Variants in CDK6 observed in about 807,000 individuals in gnomAD.
CDK6 encodes cyclin dependent kinase 6.
A neutral mutation model predicts 37.1 loss-of-function variants in CDK6; 6 were observed. That is an observed-to-expected ratio of 0.16 (90% CI 0.09 to 0.32). The LOEUF is 0.32. Among genes scored for constraint, CDK6 ranks in the 10% least tolerant of loss-of-function variants. The probability of loss-of-function intolerance (pLI) is 1.00; values close to 1 mark genes in which losing one functional copy is unlikely to be tolerated. For missense variants in CDK6, 224 were observed against 418.9 expected, an observed-to-expected ratio of 0.53 and a Z score of 4.06; for synonymous variants, 160 against 161.3, an observed-to-expected ratio of 0.99 and a Z score of 0.06.
intron 5 of CDK6, among the ~76,000 whole-genome samples, chr7:92,639,711 G>A (rs190393818): frequency 1.4e-4 from 21 of 152,204 alleles, no homozygotes; most frequent in East Asian, 9.7e-4. Context: ...ATTTGCCAAC[G>A]GTTTCCTTTA....
At chr7:92,744,816 G>A (rs948428832) in intron 3 of CDK6, among the ~76,000 whole-genome samples, 4 of 152,156 alleles carry the variant, frequency 2.6e-5, no homozygotes, top group Non-Finnish European at 2.9e-5. Flanking sequence ...CTTGAAACAC[G>A]AAGAGTGGAA....
chr7:92,801,552 A>G (rs1800575787), intron 2 of CDK6, among the ~76,000 whole-genome samples: 1 of 152,170 alleles, frequency 6.6e-6, no homozygotes, highest in Admixed American at 6.5e-5. Flanking sequence ...TCCCTCCACC[A>G]TACCACTCTT....
Position 92,834,448 on chromosome 7 carries a change from C to G in CDK6, c.-367-758G>C, listed in dbSNP as rs1420961318. Among the ~76,000 whole-genome samples, 1 of 134,770 alleles carries G rather than the reference C, an allele frequency of 7.4e-6. No individual in the cohort carries two copies. Among genetic ancestry groups the G allele is most frequent in the Non-Finnish European group, 1.6e-5 (1 of 63,978 alleles). The allele number at this position is 134,770 out of a possible 152,430, so 88.4% of individuals were successfully genotyped here. A position where few individuals can be genotyped will look rare whatever the true frequency, so the allele number is the denominator to read the frequency against. ...TGGAAACCTTGGGAAGACCAGCCAT[C>G]TGGTCGGGGAGGGTTGGGGCTTATC... On this transcript the variant is annotated intron_variant, in intron 1 of 7. Coordinates refer to ENST00000424848, the MANE Select transcript of CDK6 (RefSeq NM_001145306.2). The surrounding 1 kb of genome is among the most constrained non-coding windows in gnomAD (Gnocchi z 4.6).
Position 92,793,843 on chromosome 7 carries a change from AG to A in CDK6, c.234-19013del, listed in dbSNP as rs376738528. On this transcript the variant is annotated intron_variant, in intron 2 of 7. Transcript: ENST00000424848. ...CAGAAAGTAGATTAGTGGCTGCCTAAGGCCAGGGGTGTGGGGGTTGGGGAAA... is the reference window on the plus strand; with the variant it reads ...CAGAAAGTAGATTAGTGGCTGCCTAAGCCAGGGGTGTGGGGGTTGGGGAAA... Among the ~76,000 whole-genome samples, 57 of 152,128 alleles carry A rather than the reference AG, an allele frequency of 3.7e-4. No homozygotes were observed. The East Asian group carries it at 7.5e-3, about 20-fold the overall frequency.
At chr7:92,771,964 T>G (rs1374771071) in intron 3 of CDK6, among the ~76,000 whole-genome samples, 5 of 152,228 alleles carry the variant, frequency 3.3e-5, no homozygotes, top group Non-Finnish European at 7.3e-5. Flanking sequence ...CTGTTTATTC[T>G]GCATTCCAAT....
At chr7:92,659,511 T>C (rs1289790703) in intron 5 of CDK6, among the ~76,000 whole-genome samples, 2 of 152,122 alleles carry the variant, frequency 1.3e-5, no homozygotes, top group Admixed American at 1.3e-4. Flanking sequence ...TCTCATTACA[T>C]TTCTCCCAGA....
Position 92,619,444 on chromosome 7 carries a change from C to T in CDK6, c.699-1237G>A, listed in dbSNP as rs559746469. Among the ~76,000 whole-genome samples the T allele has an allele frequency of 2.0e-4, 30 of 152,030 alleles. No individual in the cohort carries two copies. In the South Asian group the frequency reaches 2.7e-3, roughly 14 times the overall value. On this transcript the variant is annotated intron_variant, in intron 6 of 7. Transcript: ENST00000424848. ...AAAAATAAAATCATAGTTTAGTGGA[C>T]GGGGTACATAGCTATTCAAATACTG...
intron 5 of CDK6, among the ~76,000 whole-genome samples, chr7:92,633,768 G>A (rs1188052187): frequency 6.6e-6 from 1 of 152,020 alleles, no homozygotes; most frequent in Non-Finnish European, 1.5e-5. Flanking sequence ...CAAAGAATAT[G>A]TGAATGGAAA....
In CDK6 at chr7:92,610,604, T is replaced by C. The variant is rs902306942; in HGVS notation, c.*4536A>G. On this transcript the variant is annotated 3_prime_UTR_variant, in exon 8 of 8. Transcript: ENST00000424848. The stretch of plus-strand genomic sequence containing the variant: ...TATTAAAATTGGGTTGTGAATTGCA[T>C]TGATATAGAAAGGGAGTAAATAAGA... 1.8e-5 allele frequency: 4 copies of C among 227,778 alleles called. No individual in the cohort carries two copies. The highest frequency in any genetic ancestry group is 6.3e-5 in the East Asian group (1 of 15,756). 14.1% of individuals were successfully genotyped at this position (227,778 alleles called of 1,614,324 possible). A position where few individuals can be genotyped will look rare whatever the true frequency, so the allele number is the denominator to read the frequency against.
At chr7:92,622,746 G>C (rs1409351398) in intron 6 of CDK6, among the ~76,000 whole-genome samples, 1 of 151,972 alleles carries the variant, frequency 6.6e-6, no homozygotes, top group African/African-American at 2.4e-5. Context: ...ACCACAAGCA[G>C]AAAATGTATT....
chr7:92,683,434 T>C (rs149416981), intron 4 of CDK6, among the ~76,000 whole-genome samples: 151 of 152,350 alleles, frequency 9.9e-4, no homozygotes, highest in African/African-American at 3.5e-3. Context: ...AATGGAAGCA[T>C]AGTTTTAAAA....
At position 92,833,103 on chromosome 7, in the gene CDK6, G is replaced by A. The variant is rs1296475506; in HGVS notation, c.221C>T (p.Pro74Leu). ...VLRHLETFEH[P>L]NVVRLFDVCT... ...CTCCCTGGCTCACCTGACCACGTTG[G>A]GGTGCTCGAAGGTCTCCAGGTGCCT... The change falls in exon 2 of 8, where the codon CCC (proline) becomes CTC (leucine). Residue 74 changes from proline to leucine, a missense_variant. Physicochemically the swap from Pro to Leu is moderately conservative, Grantham distance 98. Transcript: ENST00000424848. This position sits in a 1 kb window ranked among gnomAD's most constrained non-coding sequence, Gnocchi z 6.1. 6.3e-7 allele frequency: 1 copy of A among 1,594,682 alleles called. No homozygotes were observed. The highest frequency in any genetic ancestry group is 8.5e-7 in the Non-Finnish European group (1 of 1,171,652).
chr7:92,643,763 A>T (rs1180872601), intron 5 of CDK6, among the ~76,000 whole-genome samples: 4 of 152,234 alleles, frequency 2.6e-5, no homozygotes, highest in Admixed American at 2.6e-4. Context: ...CACCCTGTTC[A>T]AAACATCACA....
At chr7:92,641,965 G>A (rs1796317742) in intron 5 of CDK6, among the ~76,000 whole-genome samples, 1 of 152,156 alleles carries the variant, frequency 6.6e-6, no homozygotes, top group Admixed American at 6.5e-5. Flanking sequence ...TTAGAAAACT[G>A]CATAGAAGAA....
chr7:92,747,606 G>A (rs780894362), intron 3 of CDK6, among the ~76,000 whole-genome samples: 1 of 152,190 alleles, frequency 6.6e-6, no homozygotes, highest in Non-Finnish European at 1.5e-5. Context: ...ATGCCTCAGA[G>A]TAACAGCTTC....
chr7:92,756,382 G>A (rs1799319291), intron 3 of CDK6, among the ~76,000 whole-genome samples: 1 of 152,186 alleles, frequency 6.6e-6, no homozygotes, highest in African/African-American at 2.4e-5. Context: ...GTGAAATTTT[G>A]CTGCTCTGAA....
intron 4 of CDK6, among the ~76,000 whole-genome samples, chr7:92,708,761 T>C (rs186265636): frequency 1.3e-5 from 2 of 152,340 alleles, no homozygotes; most frequent in East Asian, 3.9e-4. Context: ...TTTATACAAC[T>C]ACTAGTGAGA....
At chr7:92,823,483 G>C (rs1349736106) in intron 2 of CDK6, among the ~76,000 whole-genome samples, 1 of 103,912 alleles carries the variant, frequency 9.6e-6, no homozygotes, top group African/African-American at 3.4e-5. Context: ...TCATTTCAAA[G>C]AAGCTATGTT....
chr7:92,664,176 T>G (rs934164451), intron 5 of CDK6, among the ~76,000 whole-genome samples: 1 of 151,864 alleles, frequency 6.6e-6, no homozygotes, highest in Non-Finnish European at 1.5e-5. Flanking sequence ...ATCTTCCCAT[T>G]TGGCTGGTTC....
Sources: gnomAD v4.1 joint callset for allele counts (sites outside exome capture counted in the v4.1 genomes callset) on GRCh38, gnomAD v4.1.1 for gene constraint, Gnocchi (gnomAD v3.1) non-coding constraint, MANE v1.5 for transcripts, NCBI Gene and HGNC (gene_info 2026-07-23, HGNC 2026-07-21) for gene names.